Variants in STAU2 observed in about 807,000 individuals in gnomAD.
STAU2 encodes the protein double-stranded RNA-binding protein Staufen homolog 2.
In STAU2, 20 loss-of-function variants were observed where a neutral mutation model predicts 65.9. The ratio of observed to expected loss-of-function variants is 0.30; its 90% CI spans 0.21 to 0.44. The LOEUF (loss-of-function observed/expected upper bound fraction) is 0.44, where lower values mean the gene tolerates loss of function less well. STAU2 is among the 20% of genes least tolerant of loss of function. STAU2 has a pLI of 1.00. For missense variants in STAU2, 558 were observed against 683.9 expected, an observed-to-expected ratio of 0.82 and a Z score of 2.05; for synonymous variants, 232 against 233.9, an observed-to-expected ratio of 0.99 and a Z score of 0.07.
intron 4 of STAU2, among the ~76,000 whole-genome samples, chr8:73,706,723 A>G (rs941113421): frequency 6.6e-6 from 1 of 152,192 alleles, no homozygotes; most frequent in Non-Finnish European, 1.5e-5. Context: ...ACCTACAGCA[A>G]CTGGCACAGG....
intron 6 of STAU2, 63 bp downstream of exon 6, chr8:73,673,044 G>A: frequency 2.2e-6 from 3 of 1,390,282 alleles, no homozygotes; most frequent in Non-Finnish European, 2.8e-6. Flanking sequence ...TTTTGAGTGT[G>A]AGAAACTTTT....
At chr8:73,577,345 T>C (rs1236233376) in intron 12 of STAU2, among the ~76,000 whole-genome samples, 1 of 151,046 alleles carries the variant, frequency 6.6e-6, no homozygotes, top group African/African-American at 2.4e-5. Flanking sequence ...GGAGAGGGCA[T>C]GAACCCGGGA....
At chr8:73,514,734 G>A (rs761962786) in intron 13 of STAU2, among the ~76,000 whole-genome samples, 10 of 152,120 alleles carry the variant, frequency 6.6e-5, no homozygotes, top group Non-Finnish European at 1.5e-4. Context: ...TTACTGGTTT[G>A]CAATTGGTCT....
intron 6 of STAU2, among the ~76,000 whole-genome samples, chr8:73,665,472 A>T (rs938650289): frequency 6.6e-6 from 1 of 152,208 alleles, no homozygotes; most frequent in African/African-American, 2.4e-5. Flanking sequence ...AGAGAATTTA[A>T]TGTTGTATAC....
At chr8:73,747,184 G>T, upstream of STAU2, 1 of 553,594 alleles carries the variant, frequency 1.8e-6, no homozygotes, top group Non-Finnish European at 3.0e-6. Flanking sequence ...CGGGGGGCTT[G>T]GGCACGCGGG....
chr8:73,570,075 A>G (rs1051956556), intron 12 of STAU2, among the ~76,000 whole-genome samples: 1 of 152,198 alleles, frequency 6.6e-6, no homozygotes, highest in Non-Finnish European at 1.5e-5. Context: ...TTGAAAAAAG[A>G]TTCGACAAAC....
chr8:73,744,487 GA>G (rs34156567), intron 1 of STAU2, among the ~76,000 whole-genome samples: 55 of 129,788 alleles, frequency 4.2e-4, no homozygotes, highest in African/African-American at 1.0e-3. Context: ...AGGCACAAAG[GA>G]AAAAAAAAAA....
intron 13 of STAU2, among the ~76,000 whole-genome samples, chr8:73,473,446 T>C (rs1052668677): frequency 1.3e-5 from 2 of 152,234 alleles, no homozygotes; most frequent in Non-Finnish European, 2.9e-5. Flanking sequence ...TCCAAGTTTA[T>C]GTGGTCTTAG....
intron 14 of STAU2, among the ~76,000 whole-genome samples, chr8:73,422,164 G>A (rs543167761): frequency 1.2e-3 from 182 of 152,266 alleles, no homozygotes; most frequent in African/African-American, 3.8e-3. Context: ...AAACAACACG[G>A]AAAACCGAAT....
intron 6 of STAU2, chr8:73,651,692 A>C: frequency 8.7e-6 from 4 of 461,784 alleles, no homozygotes; most frequent in South Asian, 2.0e-5. Context: ...CTGGCGTACC[A>C]CCCCCCAAAG....
At chr8:73,590,640 G>C (rs1289465607) in intron 11 of STAU2, 2 of 152,268 alleles carry the variant, frequency 1.3e-5, no homozygotes, top group Non-Finnish European at 2.9e-5. Context: ...AAGAATATGA[G>C]CAAGCTGAGG....
At chr8:73,707,735 C>A (rs1820614306) in intron 4 of STAU2, among the ~76,000 whole-genome samples, 1 of 151,414 alleles carries the variant, frequency 6.6e-6, no homozygotes, top group Non-Finnish European at 1.5e-5. Flanking sequence ...AAATACACAC[C>A]CAAAAACAAG....
At chr8:73,651,403 G>T in intron 6 of STAU2, 1 of 664,952 alleles carries the variant, frequency 1.5e-6, no homozygotes, top group Admixed American at 2.0e-5. Flanking sequence ...TGCAGCTGTC[G>T]GAGGTCCAGA....
intron 3 of STAU2, among the ~76,000 whole-genome samples, chr8:73,721,903 T>C (rs1291371017): frequency 2.6e-5 from 4 of 152,226 alleles, no homozygotes; most frequent in Non-Finnish European, 5.9e-5. Flanking sequence ...AGTGTGACTA[T>C]TCATATGGTT....
intron 6 of STAU2, among the ~76,000 whole-genome samples, chr8:73,617,916 T>G (rs1167217817): frequency 6.6e-6 from 1 of 152,206 alleles, no homozygotes; most frequent in East Asian, 1.9e-4. Context: ...GAGAGCAGAT[T>G]CAGCATAAGA....
At chr8:73,702,604 ATAT>A (rs1216711713) in intron 4 of STAU2, among the ~76,000 whole-genome samples, 18 of 152,294 alleles carry the variant, frequency 1.2e-4, no homozygotes, top group Non-Finnish European at 1.5e-5. Flanking sequence ...GAGACAAAGA[ATAT>A]TATTATTGAT....
At chr8:73,466,345 T>G (rs979320398) in intron 13 of STAU2, among the ~76,000 whole-genome samples, 3 of 152,142 alleles carry the variant, frequency 2.0e-5, no homozygotes, top group African/African-American at 4.8e-5. Context: ...TAATCCCTGG[T>G]GTTTGTAATA....
At chr8:73,466,633 G>T (rs980499502) in intron 13 of STAU2, among the ~76,000 whole-genome samples, 7 of 152,116 alleles carry the variant, frequency 4.6e-5, no homozygotes, top group African/African-American at 1.7e-4. Context: ...AGTTGCCCTG[G>T]CCTTTCCCAC....
At chr8:73,597,626 T>C (rs892968575) in intron 10 of STAU2, among the ~76,000 whole-genome samples, 14 of 128,356 alleles carry the variant, frequency 1.1e-4, no homozygotes, top group African/African-American at 4.2e-4. Flanking sequence ...GCCGAGATCA[T>C]GCTACTGCAC....
Sources: allele counts gnomAD v4.1 joint callset (sites outside exome capture counted in the v4.1 genomes callset), GRCh38; gene constraint gnomAD v4.1.1; transcripts MANE v1.5; gene names NCBI Gene and HGNC (gene_info 2026-07-23, HGNC 2026-07-21).